The following ZNF250 variants were observed in gnomAD, a reference collection of about 807,000 sequenced individuals.
ZNF250 encodes the protein zinc finger protein 250.
A neutral mutation model predicts 37.1 loss-of-function variants in ZNF250; 13 were observed. That is an observed-to-expected ratio of 0.35 (90% confidence interval 0.23 to 0.56). The LOEUF is 0.56. Among genes scored for constraint, ZNF250 ranks in the 20% least tolerant of loss-of-function variants. The probability of loss-of-function intolerance (pLI) is 0.87; values close to 1 mark genes in which losing one functional copy is unlikely to be tolerated. For synonymous variants in ZNF250, 251 were observed against 265.6 expected, an observed-to-expected ratio of 0.94 and a Z score of 0.54; for missense variants, 474 against 697.9, an observed-to-expected ratio of 0.68 and a Z score of 3.61.
upstream of ZNF250, chr8:144,901,609 C>CT (rs1164377559): frequency 6.5e-6 from 1 of 152,942 alleles, no homozygotes; most frequent in Non-Finnish European, 1.5e-5. This position sits in a 1 kb window ranked among gnomAD's most constrained non-coding sequence, Gnocchi z 5.4. Context: ...CGGTGACCGA[C>CT]TGCAGGGAGC....
chr8:144,890,289 A>T lies in ZNF250; in HGVS notation c.42+19T>A. Reference sequence around the variant, plus strand: ...GGGCTCGGGCTGGGGGCACTGCATAAGCACTGGGGACAGCTTACCTGGGGT... The same window carrying T: ...GGGCTCGGGCTGGGGGCACTGCATATGCACTGGGGACAGCTTACCTGGGGT... On this transcript the variant is annotated intron_variant, in intron 2 of 5. Coordinates refer to ENST00000417550, the MANE Select transcript of ZNF250 (RefSeq NM_001109689.4). The surrounding 1 kb of genome is among the most constrained non-coding windows in gnomAD (Gnocchi z 5.1). 1 of 1,537,658 alleles carries T rather than the reference A, an allele frequency of 6.5e-7. No individual in the cohort carries two copies. Among genetic ancestry groups the T allele is most frequent in the Non-Finnish European group, 8.8e-7 (1 of 1,138,308 alleles).
intron 1 of ZNF250, among the ~76,000 whole-genome samples, chr8:144,894,850 G>C (rs1244877729): frequency 6.6e-6 from 1 of 150,678 alleles, no homozygotes; most frequent in Non-Finnish European, 1.5e-5. Flanking sequence ...TTTTGGTAGA[G>C]ACGAGGTCTT....
At chr8:144,896,008 C>CAAAAAAAAAAAA (rs1183288137) in intron 1 of ZNF250, among the ~76,000 whole-genome samples, 3 of 64,912 alleles carry the variant, frequency 4.6e-5, no homozygotes, top group African/African-American at 1.6e-4. Flanking sequence ...GACTCTGTCT[C>CAAAAAAAAAAAA]AAAAAAAAAA....
At position 144,901,105 on chromosome 8, in the gene ZNF250, G is replaced by C. The variant is rs903556862; in HGVS notation, c.-55+294C>G. On this transcript the variant is annotated intron_variant, in intron 1 of 5. Transcript: ENST00000417550. The surrounding 1 kb of genome is among the most constrained non-coding windows in gnomAD (Gnocchi z 5.4). ...CGCCGGTCTGACGGGGCCCAAGGGG[G>C]TAGGGGCGGGGAAGGGACCGAGGCC... Among the ~76,000 whole-genome samples the C allele has an allele frequency of 2.6e-5, 4 of 151,462 alleles. No individual in the cohort carries two copies. The highest frequency in any genetic ancestry group is 9.7e-5 in the African/African-American group (4 of 41,302).
At chr8:144,893,400 G>A (rs28664884) in intron 1 of ZNF250, among the ~76,000 whole-genome samples, 3,999 of 152,184 alleles carry the variant, frequency 0.026, 218 homozygotes, top group East Asian at 0.22. Context: ...GCATGATCTA[G>A]GCTCACTGCA....
chr8:144,895,617 A>T (rs962159919), intron 1 of ZNF250, among the ~76,000 whole-genome samples: 14 of 152,130 alleles, frequency 9.2e-5, no homozygotes, highest in African/African-American at 3.4e-4. Context: ...AGGAGAAGTG[A>T]AAGGGAAAGA....
At chr8:144,888,363 GAGGCAGGTGGATCACTTC>G (rs1390168770) in intron 4 of ZNF250, among the ~76,000 whole-genome samples, 5 of 152,106 alleles carry the variant, frequency 3.3e-5, no homozygotes, top group African/African-American at 1.2e-4. Context: ...TTGGGAGGCT[GAGGCAGGTGGATCACTTC>G]AGGTCAGGAG....
chr8:144,889,436 A>C lies in ZNF250; in HGVS notation c.283+145T>G, dbSNP rs1832150517. On this transcript the variant is annotated intron_variant, in intron 4 of 5. Transcript: ENST00000417550. ...CCTGATTCAGCAACCCCCAGTCTAT[A>C]GACTCCTTTGCCAGATAAGGCCAGA... is the stretch of plus-strand genomic sequence containing the variant. 4.9e-6 allele frequency: 3 copies of C among 612,458 alleles called. No individual in the cohort carries two copies. The Admixed American group carries it at 9.6e-5, about 20-fold the overall frequency. The allele number at this position is 612,458 out of a possible 1,614,324, so 37.9% of individuals were successfully genotyped here. A position where few individuals can be genotyped will look rare whatever the true frequency, so the allele number is the denominator to read the frequency against.
intron 4 of ZNF250, among the ~76,000 whole-genome samples, chr8:144,888,084 C>T (rs541812793): frequency 8.7e-4 from 132 of 152,312 alleles, no homozygotes; most frequent in Non-Finnish European, 1.5e-3. Flanking sequence ...AAGACTCAGA[C>T]GTCACCTTAC....
intron 5 of ZNF250, among the ~76,000 whole-genome samples, chr8:144,883,408 C>T (rs1375204743): frequency 6.6e-6 from 1 of 151,310 alleles, no homozygotes; most frequent in Non-Finnish European, 1.5e-5. Flanking sequence ...GGCACAATCT[C>T]GGTTCACTGC....
Position 144,882,664 on chromosome 8 carries a change from C to T in ZNF250, c.519G>A (p.Gln173=). Residue 173 remains glutamine (Q), a synonymous_variant, in exon 6 of 6, where the codon CAG becomes CAA. Transcript: ENST00000417550. This position sits in a 1 kb window ranked among gnomAD's most constrained non-coding sequence, Gnocchi z 5.5. Reference sequence around the variant, plus strand: ...TGAGTGGCATGCTTTGGCTTAAGACCTGAACTTCACGGTGGTCAACAGAGT... The same window carrying T: ...TGAGTGGCATGCTTTGGCTTAAGACTTGAACTTCACGGTGGTCAACAGAGT... ...SPNSVDHREV[Q]VLSQSMPLTP... is the part of the protein sequence containing the mutation. 1 of 1,614,000 alleles carries T rather than the reference C, an allele frequency of 6.2e-7. No individual in the cohort carries two copies. The highest frequency in any genetic ancestry group is 2.2e-5 in the East Asian group (1 of 44,886).
intron 1 of ZNF250, among the ~76,000 whole-genome samples, chr8:144,892,045 T>G (rs191105345): frequency 6.6e-6 from 1 of 152,292 alleles, no homozygotes; most frequent in Admixed American, 6.5e-5. Flanking sequence ...TGTATATATT[T>G]GCACAGACAA....
chr8:144,880,771 C>A lies in ZNF250; in HGVS notation c.*744G>T. 3.6e-6 allele frequency: 1 copy of A among 276,474 alleles called. No individual in the cohort carries two copies. Among genetic ancestry groups the A allele is most frequent in the Non-Finnish European group, 7.4e-6 (1 of 134,980 alleles). The allele number at this position is 276,474 out of a possible 1,614,324, so 17.1% of individuals were successfully genotyped here. On this transcript the variant is annotated 3_prime_UTR_variant, in exon 6 of 6. Coordinates refer to ENST00000417550, the MANE Select transcript of ZNF250 (RefSeq NM_001109689.4). ...CCTAGTTACTTGGGAGACTGAGGCA[C>A]AAGAAAAGCTTGAACCTGGGGTGGG...
At chr8:144,886,782 A>G (rs1831910821) in intron 5 of ZNF250, 58 bp downstream of exon 5, 1 of 1,507,922 alleles carries the variant, frequency 6.6e-7, no homozygotes, top group African/African-American at 1.4e-5. Context: ...CTTGTAAAAC[A>G]TTAGTGTTAA....
At position 144,895,594 on chromosome 8, in the gene ZNF250, C is replaced by T. The variant is rs1832663814; in HGVS notation, c.-54-5191G>A. Among the ~76,000 whole-genome samples the T allele has an allele frequency of 4.6e-5, 7 of 152,048 alleles. 1 individual carries two copies. The South Asian group carries it at 1.4e-3, about 31-fold the overall frequency. On this transcript the variant is annotated intron_variant, in intron 1 of 5. Coordinates refer to ENST00000417550, the MANE Select transcript of ZNF250 (RefSeq NM_001109689.4). ...CCAAAGGACAATACCAGGCTGTCAA[C>T]AAGTGTGTGGCAAGGAGAAGTGAAA... is the stretch of plus-strand genomic sequence containing the variant.
chr8:144,885,032 A>G (rs538441943), intron 5 of ZNF250, among the ~76,000 whole-genome samples: 1 of 152,258 alleles, frequency 6.6e-6, no homozygotes, highest in East Asian at 1.9e-4. Flanking sequence ...TATTCTATTC[A>G]GAGGAATTTA....
chr8:144,878,056 A>C lies in ZNF250; in HGVS notation c.*3459T>G, dbSNP rs191557884. ...GGCAGCTTCCTTTCATAGAAGATTT[A>C]AGATAGCACCACAGTGTTCTCATTT... is the stretch of plus-strand genomic sequence containing the variant. On this transcript the variant is annotated 3_prime_UTR_variant, in exon 6 of 6. Coordinates refer to ENST00000417550, the MANE Select transcript of ZNF250 (RefSeq NM_001109689.4). The C allele has an allele frequency of 3.9e-4, 60 of 152,328 alleles. 1 individual carries two copies. Among genetic ancestry groups the C allele is most frequent in the Admixed American group, 2.1e-3 (32 of 15,294 alleles). The allele number at this position is 152,328 out of a possible 1,614,324, so 9.4% of individuals were successfully genotyped here.
In ZNF250 at chr8:144,889,945, C is replaced by T; in HGVS notation, c.157G>A (p.Val53Ile). ...TAAGGTGGCTTACCCAATGAGACTA[C>T]ATTCCCATAGGTTTCCATCATCACA... ...RNVMMETYGNVVSLGLPGSKP... is the reference protein window; with the variant it reads ...RNVMMETYGNIVSLGLPGSKP... The change falls in exon 3 of 6, where the codon GTA becomes ATA. Residue 53 changes from valine (V) to isoleucine (I), a missense_variant. Val to Ile is a conservative substitution (Grantham distance 29). This residue lies in a region of ZNF250 where 192 missense variants were observed against 227.5 expected (regional missense o/e 0.84). Coordinates refer to ENST00000417550, the MANE Select transcript of ZNF250 (RefSeq NM_001109689.4). 1 of 1,605,490 alleles carries T rather than the reference C, an allele frequency of 6.2e-7. No individual in the cohort carries two copies. The highest frequency in any genetic ancestry group is 8.5e-7 in the Non-Finnish European group (1 of 1,173,714).
Position 144,889,992 on chromosome 8 carries a change from G to A in ZNF250, c.110C>T (p.Ala37Val). Residue 37 changes from alanine (A) to valine (V), a missense_variant, in exon 3 of 6, where the codon GCT becomes GTT. By Grantham distance (64) the Ala-to-Val change is moderately conservative (BLOSUM62 0). Coordinates refer to ENST00000417550, the MANE Select transcript of ZNF250 (RefSeq NM_001109689.4). ...SQDEWDRLCP[A>V]QRGLYRNVMM... ...CACATTTCTGTAGAGACCCCTCTGA[G>A]CAGGGCACAGGCGGTCCCATTCATC... 6.2e-7 allele frequency: 1 copy of A among 1,613,564 alleles called. No individual in the cohort carries two copies.
Sources: gnomAD v4.1 joint callset for allele counts (sites outside exome capture counted in the v4.1 genomes callset) on GRCh38, gnomAD v4.1.1 for gene constraint, gnomAD v4.1.1 regional missense constraint, Gnocchi (gnomAD v3.1) non-coding constraint, MANE v1.5 for transcripts, NCBI Gene and HGNC (gene_info 2026-07-23, HGNC 2026-07-21) for gene names.